The following HNRNPUL1 variants were observed in gnomAD, a reference collection of about 807,000 sequenced individuals.
HNRNPUL1 encodes heterogeneous nuclear ribonucleoprotein U-like protein 1.
In HNRNPUL1, 14 loss-of-function variants were observed where a neutral mutation model predicts 108.5. The observed-to-expected ratio is 0.13, with a 90% confidence interval of 0.09 to 0.20. The LOEUF is 0.20. Ranked by LOEUF, HNRNPUL1 falls within the 10% of genes least tolerant of loss-of-function variation. The pLI, the probability that HNRNPUL1 is intolerant of heterozygous loss-of-function variation, is 1.00. For missense variants in HNRNPUL1, 804 were observed against 1,168.3 expected, an observed-to-expected ratio of 0.69 and a Z score of 4.55; for synonymous variants, 422 against 445.2, an observed-to-expected ratio of 0.95 and a Z score of 0.66.
At chr19:41,304,303 G>A (rs2037418494) in intron 13 of HNRNPUL1, 42 bp downstream of exon 13, 5 of 1,546,178 alleles carry the variant, frequency 3.2e-6, no homozygotes, top group Non-Finnish European at 4.4e-6. Flanking sequence ...GATCGCACGT[G>A]TGCTTTTGAA....
intron 11 of HNRNPUL1, 93 bp downstream of exon 11, chr19:41,301,797 G>C: frequency 8.6e-7 from 1 of 1,158,138 alleles, no homozygotes; most frequent in East Asian, 2.5e-5. Context: ...GCTCCCCAGT[G>C]ATTTCTTTTT....
intron 12 of HNRNPUL1, among the ~76,000 whole-genome samples, chr19:41,303,291 G>T (rs2037345537): frequency 6.6e-6 from 1 of 151,746 alleles, no homozygotes; most frequent in South Asian, 2.1e-4. Flanking sequence ...CTTTGGCCAG[G>T]TCTGAAGAGG....
chr19:41,297,209 C>T (rs773422597), intron 10 of HNRNPUL1, among the ~76,000 whole-genome samples: 1 of 152,200 alleles, frequency 6.6e-6, no homozygotes, highest in African/African-American at 2.4e-5. Context: ...CTAAGTCACG[C>T]ACTCAGTGTA....
At position 41,264,654 on chromosome 19, in the gene HNRNPUL1, G is replaced by T; in HGVS notation, c.151G>T (p.Asp51Tyr). 2.5e-6 allele frequency: 4 copies of T among 1,585,122 alleles called. No homozygotes were observed. Among genetic ancestry groups the T allele is most frequent in the Non-Finnish European group, 3.4e-6 (4 of 1,173,224 alleles). ...TGACGACGAGCGGGAGCTCGACGCC[G>T]ACGACGAACCGGGGCGACCCGGGCA... ...EPDDERELDA[D>Y]DEPGRPGHIN... The change falls in exon 1 of 15, where the codon GAC (aspartate) becomes TAC (tyrosine). Residue 51 changes from aspartate (D) to tyrosine (Y), a missense_variant. Transcript: ENST00000392006.
chr19:41,291,466 T>C (rs2036572274), intron 7 of HNRNPUL1, among the ~76,000 whole-genome samples: 1 of 152,108 alleles, frequency 6.6e-6, no homozygotes, highest in South Asian at 2.1e-4. Flanking sequence ...TGGGTTTCTT[T>C]TGTTTGTTTT....
chr19:41,282,805 T>C (rs12463056), intron 7 of HNRNPUL1, among the ~76,000 whole-genome samples: 14 of 149,562 alleles, frequency 9.4e-5, no homozygotes, highest in Admixed American at 4.0e-4. Context: ...TTCTCCTGCC[T>C]CAGCCTCCCA....
Position 41,264,409 on chromosome 19 carries a change from C to T in HNRNPUL1, c.-95C>T, listed in dbSNP as rs974954835. 3.2e-5 allele frequency: 35 copies of T among 1,095,164 alleles called. No individual in the cohort carries two copies. Among genetic ancestry groups the T allele is most frequent in the Middle Eastern group, 3.3e-4 (1 of 3,020 alleles). The allele number at this position is 1,095,164 out of a possible 1,614,324, so 67.8% of individuals were successfully genotyped here. A position where few individuals can be genotyped will look rare whatever the true frequency, so the allele number is the denominator to read the frequency against. On this transcript the variant is annotated 5_prime_UTR_variant, in exon 1 of 15. Transcript: ENST00000392006. ...TGCCGCCATTGGAGTGGGCCCCCCCCCTTTCCCCCTTCGCCTCCTGACAGG... is the reference window on the plus strand; with the variant it reads ...TGCCGCCATTGGAGTGGGCCCCCCCTCTTTCCCCCTTCGCCTCCTGACAGG...
At chr19:41,270,037 C>T (rs903817258) in intron 2 of HNRNPUL1, among the ~76,000 whole-genome samples, 2 of 151,874 alleles carry the variant, frequency 1.3e-5, no homozygotes, top group Non-Finnish European at 1.5e-5. Flanking sequence ...GGCTGGAGGG[C>T]GATGGCGCGA....
intron 3 of HNRNPUL1, among the ~76,000 whole-genome samples, chr19:41,273,145 G>A (rs1304349170): frequency 6.6e-6 from 1 of 152,190 alleles, no homozygotes; most frequent in Admixed American, 6.5e-5. Context: ...GAGAGCAAAG[G>A]AAGAACACTC....
chr19:41,289,587 T>G (rs1158486227), intron 7 of HNRNPUL1, among the ~76,000 whole-genome samples: 1 of 152,090 alleles, frequency 6.6e-6, no homozygotes, highest in Non-Finnish European at 1.5e-5. Context: ...GACAGATGGC[T>G]CTGTTGGTGG....
chr19:41,291,996 A>AC (rs1014284530), intron 7 of HNRNPUL1: 7 of 491,884 alleles, frequency 1.4e-5, no homozygotes, highest in African/African-American at 1.0e-4. Context: ...AAAAAAAACA[A>AC]AAAAAAAAAA....
intron 14 of HNRNPUL1, 73 bp downstream of exon 14, chr19:41,305,940 T>C: frequency 9.6e-7 from 1 of 1,043,138 alleles, no homozygotes; most frequent in Non-Finnish European, 1.4e-6. Flanking sequence ...ATTCCCAGAC[T>C]TAAGTCCCTG....
chr19:41,301,925 C>T (rs2037234921), intron 11 of HNRNPUL1, among the ~76,000 whole-genome samples: 1 of 152,188 alleles, frequency 6.6e-6, no homozygotes, highest in African/African-American at 2.4e-5. Context: ...GCTGGGGCAG[C>T]ACAAGGGAAA....
rs755468745 is a variant in HNRNPUL1, at chr19:41,301,750, G to A, written c.1687+46G>A. 4.6e-6 allele frequency: 7 copies of A among 1,518,960 alleles called. No individual in the cohort carries two copies. The East Asian group carries it at 1.6e-4, about 35-fold the overall frequency. 94.1% of individuals were successfully genotyped at this position (1,518,960 alleles called of 1,614,324 possible). On this transcript the variant is annotated intron_variant, in intron 11 of 14. Coordinates refer to ENST00000392006, the MANE Select transcript of HNRNPUL1 (RefSeq NM_007040.6). ...AGAGGAACGTCAATGCAGGGTCCTG[G>A]AGAGAAGAAGCTCTTTACTCAGTTT...
chr19:41,283,510 C>T (rs191658670), intron 7 of HNRNPUL1, among the ~76,000 whole-genome samples: 2 of 151,004 alleles, frequency 1.3e-5, no homozygotes, highest in East Asian at 2.0e-4. Flanking sequence ...GGCTGGAGCA[C>T]GGTGGCGCAA....
At position 41,264,414 on chromosome 19, in the gene HNRNPUL1, C is replaced by T. The variant is rs1016138779; in HGVS notation, c.-90C>T. 8.9e-7 allele frequency: 1 copy of T among 1,121,366 alleles called. No homozygotes were observed. The highest frequency in any genetic ancestry group is 1.1e-6 in the Non-Finnish European group (1 of 870,498). The allele number at this position is 1,121,366 out of a possible 1,614,324, so 69.5% of individuals were successfully genotyped here. A position where few individuals can be genotyped will look rare whatever the true frequency, so the allele number is the denominator to read the frequency against. On this transcript the variant is annotated 5_prime_UTR_variant, in exon 1 of 15. Coordinates refer to ENST00000392006, the MANE Select transcript of HNRNPUL1 (RefSeq NM_007040.6). Reference sequence around the variant, plus strand: ...CCATTGGAGTGGGCCCCCCCCCTTTCCCCCTTCGCCTCCTGACAGGAAAGG... The same window carrying T: ...CCATTGGAGTGGGCCCCCCCCCTTTTCCCCTTCGCCTCCTGACAGGAAAGG...
chr19:41,264,850 A>G (rs1018986267), intron 1 of HNRNPUL1, 52 bp downstream of exon 1: 3 of 1,349,046 alleles, frequency 2.2e-6, no homozygotes, highest in African/African-American at 1.5e-5. Context: ...GGCCGAGGAA[A>G]GGGCTGTGGG....
intron 10 of HNRNPUL1, among the ~76,000 whole-genome samples, chr19:41,296,314 C>T (rs897404788): frequency 5.9e-5 from 9 of 152,234 alleles, no homozygotes; most frequent in Non-Finnish European, 1.0e-4. Context: ...TGTCAGCCTT[C>T]TTGGCTGCTG....
chr19:41,265,159 G>C (rs1317316882), intron 1 of HNRNPUL1: 7 of 1,425,412 alleles, frequency 4.9e-6, no homozygotes, highest in Non-Finnish European at 5.5e-6. Context: ...CGAAAATGGG[G>C]ATCCTAGGGT....
Sources: gnomAD v4.1 joint callset for allele counts (sites outside exome capture counted in the v4.1 genomes callset) on GRCh38, gnomAD v4.1.1 for gene constraint, MANE v1.5 for transcripts, NCBI Gene and HGNC (gene_info 2026-07-23, HGNC 2026-07-21) for gene names.